TTC38: variants seen among roughly 807,000 people sequenced by gnomAD.
TTC38 encodes tetratricopeptide repeat protein 38.
In TTC38, 64 loss-of-function variants were observed where a neutral mutation model predicts 64.2. That is an observed-to-expected ratio of 1.00 (90% CI 0.81 to 1.23). The LOEUF (loss-of-function observed/expected upper bound fraction) is 1.23. Among genes scored for constraint, TTC38 ranks in the 50% most tolerant of loss-of-function variants. The pLI is 0.00. For missense variants in TTC38, 573 were observed against 615.5 expected, an observed-to-expected ratio of 0.93 and a Z score of 0.73; for synonymous variants, 254 against 249.3, an observed-to-expected ratio of 1.02 and a Z score of -0.18.
Position 46,293,038 on chromosome 22 carries a change from G to T in TTC38, c.*154G>T, listed in dbSNP as rs1263126798. The T allele has an allele frequency of 5.0e-6, 3 of 599,520 alleles. No individual in the cohort carries two copies. In the East Asian group the frequency reaches 8.3e-5, roughly 17 times the overall value. 37.1% of individuals were successfully genotyped at this position (599,520 alleles called of 1,614,324 possible). ...CAGTTTTACAGGAAGTGGGTCACGG[G>T]TTAATTTTAAATGTGATTCCGAATC... On this transcript the variant is annotated 3_prime_UTR_variant, in exon 14 of 14. Coordinates refer to ENST00000381031, the MANE Select transcript of TTC38 (RefSeq NM_017931.4). This position sits in a 1 kb window ranked among gnomAD's most constrained non-coding sequence, Gnocchi z 6.6.
At position 46,278,627 on chromosome 22, in the gene TTC38, A is replaced by G. The variant is rs2077510709; in HGVS notation, c.581A>G (p.Asn194Ser). Residue 194 changes from asparagine (N) to serine (S), a missense_variant, in exon 6 of 14, where the codon AAC (asparagine) becomes AGC (serine). By Grantham distance (46) the Asn-to-Ser change is conservative (BLOSUM62 1). Around this residue, in one of 3 missense-constraint regions of TTC38, gnomAD observed 371 missense variants for 381.8 expected, o/e 0.97. Transcript: ENST00000381031. ...TACTCTTTTGGCTTGATGGAAACCAACTTCTACGACCAGGCAGAAAAACTC... is the reference window on the plus strand; with the variant it reads ...TACTCTTTTGGCTTGATGGAAACCAGCTTCTACGACCAGGCAGAAAAACTC... ...GIYSFGLMET[N>S]FYDQAEKLAK... 1.9e-6 allele frequency: 3 copies of G among 1,614,138 alleles called. No individual in the cohort carries two copies. The highest frequency in any genetic ancestry group is 4.5e-5 in the East Asian group (2 of 44,874).
chr22:46,281,996 C>T lies in TTC38; in HGVS notation c.735+278C>T. On this transcript the variant is annotated intron_variant, in intron 7 of 13. Coordinates refer to ENST00000381031, the MANE Select transcript of TTC38 (RefSeq NM_017931.4). This position sits in a 1 kb window ranked among gnomAD's most constrained non-coding sequence, Gnocchi z 5.2. ...GGCCTGGTCAGGAGGAGCGAGCAGC[C>T]TCTTCAAAGCACATGAGCTGCACCA... is the stretch of plus-strand genomic sequence containing the variant. 2 of 588,464 alleles carry T rather than the reference C, an allele frequency of 3.4e-6. No homozygotes were observed. The highest frequency in any genetic ancestry group is 6.6e-6 in the Non-Finnish European group (2 of 302,852). 36.5% of individuals were successfully genotyped at this position (588,464 alleles called of 1,614,324 possible).
chr22:46,288,080 G>A (rs2077584197), intron 10 of TTC38, among the ~76,000 whole-genome samples: 1 of 152,182 alleles, frequency 6.6e-6, no homozygotes, highest in Non-Finnish European at 1.5e-5. Context: ...GGATCCTTGG[G>A]GAGGTCGGGG....
chr22:46,292,965 C>G lies in TTC38; in HGVS notation c.*81C>G, dbSNP rs543316344. 3.9e-5 allele frequency: 44 copies of G among 1,115,892 alleles called. 1 individual carries two copies. The African/African-American group carries it at 6.1e-4, about 15-fold the overall frequency. The allele number at this position is 1,115,892 out of a possible 1,614,324, so 69.1% of individuals were successfully genotyped here. ...GTCAGCTGCTCCACCGGGTTAGGGT[C>G]AGGAGACGGCCAGAGCCTGTTTGTT... On this transcript the variant is annotated 3_prime_UTR_variant, in exon 14 of 14. Coordinates refer to ENST00000381031, the MANE Select transcript of TTC38 (RefSeq NM_017931.4). This position sits in a 1 kb window ranked among gnomAD's most constrained non-coding sequence, Gnocchi z 6.5.
At position 46,271,532 on chromosome 22, in the gene TTC38, G is replaced by A. The variant is rs1314154212; in HGVS notation, c.112-803G>A. Among the ~76,000 whole-genome samples, 3 of 151,748 alleles carry A rather than the reference G, an allele frequency of 2.0e-5. No individual in the cohort carries two copies. The East Asian group carries it at 5.8e-4, about 29-fold the overall frequency. On this transcript the variant is annotated intron_variant, in intron 2 of 13. Coordinates refer to ENST00000381031, the MANE Select transcript of TTC38 (RefSeq NM_017931.4). This position sits in a 1 kb window ranked among gnomAD's most constrained non-coding sequence, Gnocchi z 5.5. Reference sequence around the variant, plus strand: ...CTGGCCTTTTTTTTTCCTTTTCTCTGTCACCCAGGCTGGGGTGCAGTGGCA... The same window carrying A: ...CTGGCCTTTTTTTTTCCTTTTCTCTATCACCCAGGCTGGGGTGCAGTGGCA...
intron 1 of TTC38, among the ~76,000 whole-genome samples, chr22:46,268,306 TA>T (rs1936807920): frequency 6.6e-6 from 1 of 152,114 alleles, no homozygotes; most frequent in African/African-American, 2.4e-5. Flanking sequence ...CAAGACCTCC[TA>T]AAAAACGTAG....
At chr22:46,285,961 G>A (rs1302718892) in intron 9 of TTC38, among the ~76,000 whole-genome samples, 3 of 138,816 alleles carry the variant, frequency 2.2e-5, no homozygotes, top group African/African-American at 8.8e-5. Context: ...GTTACAGTGA[G>A]CCAAGATCAC....
At chr22:46,280,837 TG>T (rs1284655257) in intron 6 of TTC38, among the ~76,000 whole-genome samples, 1 of 152,260 alleles carries the variant, frequency 6.6e-6, no homozygotes, top group African/African-American at 2.4e-5. Context: ...ATGGGGGACC[TG>T]GGCACAGGCC....
rs1377511052 is a variant in TTC38 at position 46,270,832 on chromosome 22, TC to T, written c.112-1502del. ...CTGGGTGACAGGGCAAGACTCCATCTCAAAAAAGAAAAAAAAAAAATTAGCC... is the reference window on the plus strand; with the variant it reads ...CTGGGTGACAGGGCAAGACTCCATCTAAAAAAGAAAAAAAAAAAATTAGCC... On this transcript the variant is annotated intron_variant, in intron 2 of 13. Coordinates refer to ENST00000381031, the MANE Select transcript of TTC38 (RefSeq NM_017931.4). This position sits in a 1 kb window ranked among gnomAD's most constrained non-coding sequence, Gnocchi z 4.7. Among the ~76,000 whole-genome samples the T allele has an allele frequency of 1.3e-5, 2 of 150,836 alleles. No homozygotes were observed. The highest frequency in any genetic ancestry group is 3.0e-5 in the Non-Finnish European group (2 of 67,794).
In TTC38 at chr22:46,291,994, T is replaced by C. The variant is rs12166709; in HGVS notation, c.1317-797T>C. Reference sequence around the variant, plus strand: ...ATAAAAGTGCCACAGTCTGGGCGGCTTGCACAGTAGGCATGCACTGTCTCA... The same window carrying C: ...ATAAAAGTGCCACAGTCTGGGCGGCCTGCACAGTAGGCATGCACTGTCTCA... On this transcript the variant is annotated intron_variant, in intron 13 of 13. Coordinates refer to ENST00000381031, the MANE Select transcript of TTC38 (RefSeq NM_017931.4). The surrounding 1 kb of genome is among the most constrained non-coding windows in gnomAD (Gnocchi z 4.6). Among the ~76,000 whole-genome samples, 1 of 152,136 alleles carries C rather than the reference T, an allele frequency of 6.6e-6. No homozygotes were observed. The highest frequency in any genetic ancestry group is 1.5e-5 in the Non-Finnish European group (1 of 68,026).
Position 46,287,143 on chromosome 22 carries a change from T to A in TTC38, c.905T>A (p.Leu302Gln). 1 of 1,602,448 alleles carries A rather than the reference T, an allele frequency of 6.2e-7. No homozygotes were observed. Among genetic ancestry groups the A allele is most frequent in the Non-Finnish European group, 8.5e-7 (1 of 1,173,904 alleles). ...VVDSCSMLYR[L>Q]QMEGVSVGQR... is the part of the protein sequence containing the mutation. ...GACAGCTGCTCCATGCTCTACCGCC[T>A]GCAGATGGAAGGTAGCCATCCCTGC... The change falls in exon 10 of 14, where the codon CTG becomes CAG. Residue 302 changes from leucine (L) to glutamine (Q), a missense_variant. Leu to Gln is a moderately radical substitution (Grantham distance 113, BLOSUM62 -2). Transcript: ENST00000381031.
In TTC38 at chr22:46,273,110, T is replaced by C. The variant is rs1406717870; in HGVS notation, c.193+694T>C. Among the ~76,000 whole-genome samples the C allele has an allele frequency of 5.3e-5, 8 of 151,798 alleles. No individual in the cohort carries two copies. The highest frequency in any genetic ancestry group is 1.7e-4 in the African/African-American group (7 of 41,286). ...GCCCTGGAGAAGACAAACAAGGAAA[T>C]AACTGGGGGAGAACGGGGGAGCCAA... is the stretch of plus-strand genomic sequence containing the variant. On this transcript the variant is annotated intron_variant, in intron 3 of 13. Transcript: ENST00000381031. This position sits in a 1 kb window ranked among gnomAD's most constrained non-coding sequence, Gnocchi z 5.1.
rs926670370 is a variant in TTC38, at chr22:46,282,223, C to G, written c.735+505C>G. On this transcript the variant is annotated intron_variant, in intron 7 of 13. Transcript: ENST00000381031. The surrounding 1 kb of genome is among the most constrained non-coding windows in gnomAD (Gnocchi z 4.4). ...ACTAGCTTGAGCAAGGCCTCCAAGGCCTACAGTGGCCTGTGAGGGAGAGGA... is the reference window on the plus strand; with the variant it reads ...ACTAGCTTGAGCAAGGCCTCCAAGGGCTACAGTGGCCTGTGAGGGAGAGGA... 2.3e-5 allele frequency: 7 copies of G among 309,576 alleles called. No individual in the cohort carries two copies. The highest frequency in any genetic ancestry group is 2.2e-4 in the Admixed American group (5 of 22,988). The allele number at this position is 309,576 out of a possible 1,614,324, so 19.2% of individuals were successfully genotyped here.
rs2077614145 is a variant in TTC38, at chr22:46,291,388, G to T, written c.1317-1403G>T. Among the ~76,000 whole-genome samples, 1 of 152,116 alleles carries T rather than the reference G, an allele frequency of 6.6e-6. No homozygotes were observed. The highest frequency in any genetic ancestry group is 6.5e-5 in the Admixed American group (1 of 15,276). On this transcript the variant is annotated intron_variant, in intron 13 of 13. Transcript: ENST00000381031. The surrounding 1 kb of genome is among the most constrained non-coding windows in gnomAD (Gnocchi z 4.6). ...CCTTCTGCGGGGCCCAGTGGGGGAG[G>T]GCAGGGGGAGAGCAGGCTGCACAGG...
At chr22:46,268,445 CGT>C (rs1601861289) in intron 1 of TTC38, 67 bp from the exon 2 acceptor site, 9 of 1,502,264 alleles carry the variant, frequency 6.0e-6, no homozygotes, top group Non-Finnish European at 8.3e-6. Context: ...GGCCAGGAGA[CGT>C]GTGTGTGTTG....
chr22:46,285,240 G>T lies in TTC38; in HGVS notation c.796-1G>T. ...TAATAAGGAGAACTTTATTCTTCCA[G>T]GGCGAATATGAGGCCGCGCTGACCA... On this transcript the variant is annotated splice_acceptor_variant, in intron 8 of 13. Transcript: ENST00000381031. LOFTEE classifies it high-confidence loss of function. 1 of 1,614,128 alleles carries T rather than the reference G, an allele frequency of 6.2e-7. No homozygotes were observed. Among genetic ancestry groups the T allele is most frequent in the Non-Finnish European group, 8.5e-7 (1 of 1,179,994 alleles).
rs147696491 is a variant in TTC38, at chr22:46,291,861, C to A, written c.1317-930C>A. ...ATCCCGGCTAGTCGGGAGCCTGAGG[C>A]AGGAGAATCGCTTGAACCTGGGAGG... On this transcript the variant is annotated intron_variant, in intron 13 of 13. Coordinates refer to ENST00000381031, the MANE Select transcript of TTC38 (RefSeq NM_017931.4). This position sits in a 1 kb window ranked among gnomAD's most constrained non-coding sequence, Gnocchi z 4.6. Among the ~76,000 whole-genome samples the A allele has an allele frequency of 0.1, 15,440 of 152,184 alleles. 1,800 individuals carry two copies. Among genetic ancestry groups the A allele is most frequent in the African/African-American group, 0.29 (11,958 of 41,478 alleles).
rs564062359 is a variant in TTC38 at position 46,276,230 on chromosome 22, T to C, written c.539+809T>C. 4.7e-4 allele frequency among the ~76,000 whole-genome samples: 72 copies of C among 152,326 alleles called. No homozygotes were observed. The highest frequency in any genetic ancestry group is 7.9e-4 in the Non-Finnish European group (54 of 68,032). Reference sequence around the variant, plus strand: ...AAATCTGTAGGGCAGGGCAGCAAGCTGGAAATCGCTGCAGGAGTCAGCATT... The same window carrying C: ...AAATCTGTAGGGCAGGGCAGCAAGCCGGAAATCGCTGCAGGAGTCAGCATT... On this transcript the variant is annotated intron_variant, in intron 5 of 13. Coordinates refer to ENST00000381031, the MANE Select transcript of TTC38 (RefSeq NM_017931.4). This position sits in a 1 kb window ranked among gnomAD's most constrained non-coding sequence, Gnocchi z 4.7.
intron 6 of TTC38, among the ~76,000 whole-genome samples, chr22:46,279,533 G>A (rs114473025): frequency 9.8e-5 from 15 of 152,358 alleles, no homozygotes; most frequent in African/African-American, 3.6e-4. Context: ...CCTTTCAGCT[G>A]CCTGCTCCAG....
Sources: gnomAD v4.1 joint callset for allele counts (sites outside exome capture counted in the v4.1 genomes callset) on GRCh38, gnomAD v4.1.1 for gene constraint, gnomAD v4.1.1 regional missense constraint, Gnocchi (gnomAD v3.1) non-coding constraint, MANE v1.5 for transcripts, NCBI Gene and HGNC (gene_info 2026-07-23, HGNC 2026-07-21) for gene names.